The following ANO2 variants were observed in gnomAD, a reference collection of about 807,000 sequenced individuals.
The protein encoded by ANO2 is anoctamin-2.
ANO2 carries 101 observed loss-of-function variants against 124.2 expected under a neutral mutation model. The ratio of observed to expected loss-of-function variants is 0.81; its 90% confidence interval spans 0.69 to 0.96. ANO2 has a LOEUF of 0.96. ANO2 is among the 40% of genes least tolerant of loss of function. The pLI, the probability that ANO2 is intolerant of heterozygous loss-of-function variation, is 0.00. For synonymous variants in ANO2, 486 were observed against 482.5 expected, an observed-to-expected ratio of 1.01 and a Z score of -0.09; for missense variants, 1,293 against 1,274.5, an observed-to-expected ratio of 1.01 and a Z score of -0.22.
chr12:5,854,841 G>T (rs1955049161), intron 3 of ANO2, among the ~76,000 whole-genome samples: 1 of 151,952 alleles, frequency 6.6e-6, no homozygotes, highest in Non-Finnish European at 1.5e-5. Context: ...AGGTTTCATT[G>T]ACCCAGCAAT....
chr12:5,867,554 TGCTGCCCC>T (rs1955459099), intron 3 of ANO2, among the ~76,000 whole-genome samples: 2 of 152,102 alleles, frequency 1.3e-5, no homozygotes, highest in African/African-American at 2.4e-5. Context: ...AAAATTACTG[TGCTGCCCC>T]GCACATCTGT....
intron 14 of ANO2, among the ~76,000 whole-genome samples, chr12:5,709,072 A>C (rs1016996235): frequency 6.6e-6 from 1 of 152,194 alleles, no homozygotes; most frequent in Admixed American, 6.5e-5. Flanking sequence ...TTTTAAATAC[A>C]TTATTAAATA....
At chr12:5,724,819 C>T (rs1029681138) in intron 14 of ANO2, among the ~76,000 whole-genome samples, 8 of 152,064 alleles carry the variant, frequency 5.3e-5, no homozygotes, top group African/African-American at 1.4e-4. Context: ...CCGGGGCCTG[C>T]GCACTGGCTA....
chr12:5,565,814 T>C (rs1941717972), intron 23 of ANO2, among the ~76,000 whole-genome samples, 151 bp from the exon 24 acceptor site: 1 of 152,156 alleles, frequency 6.6e-6, no homozygotes, highest in Non-Finnish European at 1.5e-5. Context: ...GGGGAATCTA[T>C]GGCCTAACCA....
chr12:5,566,016 G>A (rs1253283857), intron 23 of ANO2, among the ~76,000 whole-genome samples: 1 of 152,194 alleles, frequency 6.6e-6, no homozygotes, highest in Non-Finnish European at 1.5e-5. Flanking sequence ...CCACTAGCCT[G>A]TGGCCTCTGT....
intron 10 of ANO2, among the ~76,000 whole-genome samples, chr12:5,768,619 G>A (rs935342143): frequency 6.6e-6 from 1 of 152,078 alleles, no homozygotes; most frequent in Non-Finnish European, 1.5e-5. Context: ...CTCAGACCTG[G>A]GCCCCTCTCC....
chr12:5,573,176 G>A (rs1447985743), intron 23 of ANO2, among the ~76,000 whole-genome samples: 1 of 152,186 alleles, frequency 6.6e-6, no homozygotes, highest in Non-Finnish European at 1.5e-5. Flanking sequence ...TGGATTGAAT[G>A]AAAACTTGCC....
At chr12:5,711,049 T>C (rs1949794813) in intron 14 of ANO2, among the ~76,000 whole-genome samples, 1 of 151,560 alleles carries the variant, frequency 6.6e-6, no homozygotes. Flanking sequence ...TCCCAGCTAC[T>C]CAGGAGGCTG....
intron 20 of ANO2, among the ~76,000 whole-genome samples, chr12:5,592,905 G>A (rs1022108027): frequency 2.6e-5 from 4 of 152,174 alleles, no homozygotes; most frequent in Non-Finnish European, 4.4e-5. Flanking sequence ...TGCCATTTCA[G>A]GAGACAACTT....
chr12:5,809,432 A>G (rs1953314990), intron 7 of ANO2, among the ~76,000 whole-genome samples: 1 of 152,160 alleles, frequency 6.6e-6, no homozygotes, highest in African/African-American at 2.4e-5. Flanking sequence ...CAATCCATAC[A>G]GTCACACCCC....
At chr12:5,764,962 G>A (rs1313676284) in intron 10 of ANO2, among the ~76,000 whole-genome samples, 3 of 152,162 alleles carry the variant, frequency 2.0e-5, no homozygotes, top group Non-Finnish European at 4.4e-5. Context: ...CTTAAAGGAA[G>A]GAATAGGATA....
intron 4 of ANO2, among the ~76,000 whole-genome samples, chr12:5,843,279 G>A (rs1454212519): frequency 6.6e-6 from 1 of 152,214 alleles, no homozygotes; most frequent in Non-Finnish European, 1.5e-5. Context: ...GCCAGGCGCG[G>A]TGGCTCACAC....
At chr12:5,600,469 G>C (rs12426185) in intron 19 of ANO2, among the ~76,000 whole-genome samples, 50,791 of 152,068 alleles carry the variant, frequency 0.33, 8,666 homozygotes, top group Admixed American at 0.4. Context: ...CTTTTTTGGT[G>C]TAGAATGATA....
At chr12:5,872,658 C>T (rs1157787789) in intron 3 of ANO2, among the ~76,000 whole-genome samples, 1 of 152,042 alleles carries the variant, frequency 6.6e-6, no homozygotes, top group African/African-American at 2.4e-5. Context: ...AATATGCTAC[C>T]TGGACCTCCA....
intron 14 of ANO2, among the ~76,000 whole-genome samples, chr12:5,650,996 C>T (rs1455020362): frequency 1.3e-5 from 2 of 152,258 alleles, no homozygotes; most frequent in Non-Finnish European, 2.9e-5. Flanking sequence ...TAACACTTGT[C>T]CCACCTAAGT....
At chr12:5,940,062 AATGGATGGATGG>A (rs200562212) in intron 1 of ANO2, among the ~76,000 whole-genome samples, 4 of 151,486 alleles carry the variant, frequency 2.6e-5, no homozygotes, top group Non-Finnish European at 5.9e-5. Flanking sequence ...TTTTTAAATC[AATGGATGGATGG>A]ATGGATGGAT....
chr12:5,706,469 C>A (rs1441771448), intron 14 of ANO2, among the ~76,000 whole-genome samples: 3 of 152,170 alleles, frequency 2.0e-5, no homozygotes, highest in Non-Finnish European at 4.4e-5. Flanking sequence ...TGCACTCTTT[C>A]CCCAGATATG....
chr12:5,681,579 T>C (rs1227246710), intron 14 of ANO2, among the ~76,000 whole-genome samples: 1 of 152,202 alleles, frequency 6.6e-6, no homozygotes, highest in South Asian at 2.1e-4. Context: ...CTGGGAATAA[T>C]GCTAAAAGTG....
Position 5,923,125 on chromosome 12 carries a change from C to T in ANO2, c.23-321G>A, listed in dbSNP as rs1292591732. Among the ~76,000 whole-genome samples, 13 of 54,064 alleles carry T rather than the reference C, an allele frequency of 2.4e-4. 1 individual carries two copies. Among genetic ancestry groups the T allele is most frequent in the African/African-American group, 5.7e-4 (12 of 20,988 alleles). The allele number at this position is 54,064 out of a possible 152,430, so 35.5% of individuals were successfully genotyped here. On this transcript the variant is annotated intron_variant, in intron 1 of 24. Transcript: ENST00000682330. The stretch of plus-strand genomic sequence containing the variant: ...ACATACACACACATGCACGCACACA[C>T]ACCCACATACACACACATGCACACA...
Sources: allele counts gnomAD v4.1 joint callset (sites outside exome capture counted in the v4.1 genomes callset), GRCh38; gene constraint gnomAD v4.1.1; transcripts MANE v1.5; gene names NCBI Gene and HGNC (gene_info 2026-07-23, HGNC 2026-07-21).